Variants in BRAF observed in about 807,000 individuals in gnomAD.
The protein encoded by BRAF is B-Raf proto-oncogene, serine/threonine kinase, also known as serine/threonine-protein kinase B-raf.
BRAF carries 16 observed loss-of-function variants against 104.6 expected under a neutral mutation model. The ratio of observed to expected loss-of-function variants is 0.15; its 90% CI spans 0.10 to 0.23. BRAF has a LOEUF of 0.23. Ranked by LOEUF, BRAF falls within the 10% of genes least tolerant of loss-of-function variation. The probability of loss-of-function intolerance (pLI) is 1.00; values close to 1 mark genes in which losing one functional copy is unlikely to be tolerated. For synonymous variants in BRAF, 310 were observed against 341.6 expected (o/e 0.91, Z 1.02); for missense variants, 541 against 937.3 (o/e 0.58, Z 5.52).
chr7:140,825,130 C>T (rs1199223356), intron 3 of BRAF, among the ~76,000 whole-genome samples: 1 of 151,972 alleles, frequency 6.6e-6, no homozygotes, highest in Non-Finnish European at 1.5e-5. Flanking sequence ...CCACCACGCC[C>T]AGCTAATTTT....
downstream of BRAF, among the ~76,000 whole-genome samples, chr7:140,719,072 CACA>C (rs1424098154): frequency 9.9e-5 from 15 of 152,168 alleles, no homozygotes; most frequent in Non-Finnish European, 2.9e-5. Flanking sequence ...TACATCAGGT[CACA>C]ACATCTCAAA....
Position 140,721,075 on chromosome 7 carries a change from T to TA in BRAF, c.*5418dup, listed in dbSNP as rs1019959855. The TA allele has an allele frequency of 2.3e-4, 238 of 1,053,334 alleles. 1 individual carries two copies. Among genetic ancestry groups the TA allele is most frequent in the Middle Eastern group, 2.1e-3 (5 of 2,334 alleles). The allele number at this position is 1,053,334 out of a possible 1,614,324, so 65.2% of individuals were successfully genotyped here. On this transcript the variant is annotated 3_prime_UTR_variant, in exon 20 of 20. Coordinates refer to ENST00000644969, the MANE Select transcript of BRAF (RefSeq NM_001374258.1). ...GAGCACTTCTATCTACAGAATTCTT[T>TA]AAAAAAAAATGCACCTCTAAAAAAT... is the stretch of plus-strand genomic sequence containing the variant.
intron 18 of BRAF, among the ~76,000 whole-genome samples, chr7:140,737,749 G>GC (rs1411810896): frequency 6.6e-6 from 1 of 151,998 alleles, no homozygotes; most frequent in South Asian, 2.1e-4. Context: ...TAGATCTTCA[G>GC]CCATCTAAAA....
chr7:140,775,443 G>T (rs1320085653), intron 14 of BRAF, among the ~76,000 whole-genome samples: 2 of 151,932 alleles, frequency 1.3e-5, no homozygotes, highest in Non-Finnish European at 2.9e-5. Flanking sequence ...TGCCTCCCGG[G>T]TTCAAGTGAT....
At chr7:140,789,078 A>C (rs1202865567) in intron 8 of BRAF, among the ~76,000 whole-genome samples, 1 of 151,830 alleles carries the variant, frequency 6.6e-6, no homozygotes, top group Non-Finnish European at 1.5e-5. Flanking sequence ...GCATGGTGGC[A>C]CGCGACTGTA....
Position 140,893,875 on chromosome 7 carries a change from G to A in BRAF, c.138+30691C>T, listed in dbSNP as rs569577095. ...AACAGATGAAATGGGAGATGAGGCA[G>A]GAGGCAGTGGCTCACTCCTGTAATC... On this transcript the variant is annotated intron_variant, in intron 1 of 19. Transcript: ENST00000644969. Among the ~76,000 whole-genome samples the A allele has an allele frequency of 7.2e-5, 11 of 152,260 alleles. No homozygotes were observed. The South Asian group carries it at 2.3e-3, about 32-fold the overall frequency.
intron 18 of BRAF, among the ~76,000 whole-genome samples, chr7:140,737,307 A>T (rs1796521567): frequency 6.6e-6 from 1 of 152,212 alleles, no homozygotes; most frequent in Non-Finnish European, 1.5e-5. Context: ...AATTTTACAT[A>T]GAATGCTCCT....
At chr7:140,825,583 C>G (rs1189172661) in intron 3 of BRAF, among the ~76,000 whole-genome samples, 1 of 152,122 alleles carries the variant, frequency 6.6e-6, no homozygotes, top group South Asian at 2.1e-4. Context: ...TTCCTTTATA[C>G]AGTAAACCTT....
At chr7:140,803,540 A>G (rs937421692) in intron 5 of BRAF, among the ~76,000 whole-genome samples, 12 of 152,216 alleles carry the variant, frequency 7.9e-5, no homozygotes, top group Admixed American at 6.5e-5. Context: ...AAAATAAGAA[A>G]CAGAAAAATC....
At chr7:140,886,028 G>A (rs1371908132) in intron 1 of BRAF, among the ~76,000 whole-genome samples, 1 of 152,132 alleles carries the variant, frequency 6.6e-6, no homozygotes, top group African/African-American at 2.4e-5. Flanking sequence ...CTTCAACAGA[G>A]TTTGGATTTT....
intron 14 of BRAF, among the ~76,000 whole-genome samples, chr7:140,768,592 C>G (rs531939871): frequency 6.6e-6 from 1 of 152,200 alleles, no homozygotes; most frequent in East Asian, 1.9e-4. Context: ...CTTCTGGGCT[C>G]AAGTGATCCT....
intron 8 of BRAF, among the ~76,000 whole-genome samples, chr7:140,789,141 G>A (rs1217193728): frequency 1.3e-5 from 2 of 151,734 alleles, no homozygotes; most frequent in African/African-American, 2.4e-5. Context: ...CCTGTGAGGC[G>A]GAGGTTGCAG....
At chr7:140,860,703 C>T (rs1388128563) in intron 1 of BRAF, among the ~76,000 whole-genome samples, 1 of 151,880 alleles carries the variant, frequency 6.6e-6, no homozygotes, top group East Asian at 1.9e-4. Flanking sequence ...AAAAATTGGG[C>T]CTAATAATAC....
Position 140,722,969 on chromosome 7 carries a change from C to G in BRAF, c.*3525G>C, listed in dbSNP as rs1038546253. 9.5e-7 allele frequency: 1 copy of G among 1,054,106 alleles called. No homozygotes were observed. Among genetic ancestry groups the G allele is most frequent in the African/African-American group, 1.7e-5 (1 of 60,400 alleles). 65.3% of individuals were successfully genotyped at this position (1,054,106 alleles called of 1,614,324 possible). ...CCCTTTAGGACAAAATGAGAGTGCTCAAATACAAGTACACAAAAAAGTTAA... is the reference window on the plus strand; with the variant it reads ...CCCTTTAGGACAAAATGAGAGTGCTGAAATACAAGTACACAAAAAAGTTAA... On this transcript the variant is annotated 3_prime_UTR_variant, in exon 20 of 20. Coordinates refer to ENST00000644969, the MANE Select transcript of BRAF (RefSeq NM_001374258.1).
At chr7:140,783,424 G>A (rs999738445) in intron 10 of BRAF, 2 of 335,942 alleles carry the variant, frequency 6.0e-6, no homozygotes, top group South Asian at 1.7e-4. Context: ...CAAAATCTAG[G>A]AGAAAAACAA....
At chr7:140,890,420 G>A (rs1162896609) in intron 1 of BRAF, among the ~76,000 whole-genome samples, 2 of 152,150 alleles carry the variant, frequency 1.3e-5, no homozygotes, top group African/African-American at 2.4e-5. Flanking sequence ...CATGCTAGGA[G>A]TTGAGGATAC....
In BRAF at chr7:140,848,854, G is replaced by A. The variant is rs143020213; in HGVS notation, c.240+1257C>T. 4.3e-4 allele frequency among the ~76,000 whole-genome samples: 65 copies of A among 152,224 alleles called. 1 individual carries two copies. The highest frequency in any genetic ancestry group is 1.5e-3 in the African/African-American group (64 of 41,532). ...CTGGGATGAGCCACATGAAGAAGAG[G>A]AGAAAGAAAACAGCATATTAGCTGT... On this transcript the variant is annotated intron_variant, in intron 2 of 19. Transcript: ENST00000644969.
At chr7:140,817,724 T>C (rs1007231927) in intron 3 of BRAF, among the ~76,000 whole-genome samples, 1 of 152,130 alleles carries the variant, frequency 6.6e-6, no homozygotes, top group Admixed American at 6.6e-5. Context: ...ATACTCCCTG[T>C]CCCAGGAATT....
At position 140,800,388 on chromosome 7, in the gene BRAF, A is replaced by G. The variant is rs1377714668; in HGVS notation, c.954T>C (p.Pro318=). 1 of 1,614,172 alleles carries G rather than the reference A, an allele frequency of 6.2e-7. No individual in the cohort carries two copies. Among genetic ancestry groups the G allele is most frequent in the Non-Finnish European group, 8.5e-7 (1 of 1,180,016 alleles). The change falls in exon 7 of 20, where the codon CCT becomes CCC. Residue 318 remains proline, a synonymous_variant. Transcript: ENST00000644969. ...AETALTSGSS[P]SAPASDSIGP... Reference sequence around the variant, plus strand: ...CAATAGAGTCCGAGGCGGGTGCGGAAGGGGATGATCCAGATGTTAGGGCAG... The same window carrying G: ...CAATAGAGTCCGAGGCGGGTGCGGAGGGGGATGATCCAGATGTTAGGGCAG...
Sources: allele counts gnomAD v4.1 joint callset (sites outside exome capture counted in the v4.1 genomes callset), GRCh38; gene constraint gnomAD v4.1.1; transcripts MANE v1.5; gene names NCBI Gene and HGNC (gene_info 2026-07-23, HGNC 2026-07-21).